SOD2: variants seen among roughly 807,000 people sequenced by gnomAD.
SOD2 encodes superoxide dismutase [Mn], mitochondrial.
Under a neutral mutation model 27.0 loss-of-function variants are expected in SOD2, and 11 were observed. The observed-to-expected ratio is 0.41, with a 90% confidence interval of 0.26 to 0.67. SOD2 has a LOEUF of 0.67. Ranked by LOEUF, SOD2 falls within the 30% of genes least tolerant of loss-of-function variation. The pLI is 0.34. For synonymous variants in SOD2, 105 were observed against 103.0 expected (o/e 1.02, Z -0.12); for missense variants, 250 against 274.5 (o/e 0.91, Z 0.63).
chr6:159,711,714 AT>A (rs1272563615), intron 1 of SOD2, among the ~76,000 whole-genome samples: 1 of 113,320 alleles, frequency 8.8e-6, no homozygotes, highest in Non-Finnish European at 1.9e-5. Context: ...CACTGCTCTG[AT>A]CACCATAACC....
intron 1 of SOD2, among the ~76,000 whole-genome samples, chr6:159,718,139 C>G (rs878996976): frequency 6.6e-6 from 1 of 151,976 alleles, no homozygotes; most frequent in African/African-American, 2.4e-5. Context: ...ACTATAGGCG[C>G]ACACCACCAT....
At chr6:159,712,849 CT>C (rs1025298581) in intron 1 of SOD2, 3 of 605,584 alleles carry the variant, frequency 5.0e-6, no homozygotes, top group Non-Finnish European at 9.6e-6. Flanking sequence ...CCACTTGCCC[CT>C]GCTGTAGATT....
intron 2 of SOD2, 131 bp downstream of exon 2, chr6:159,692,530 C>A: frequency 6.7e-7 from 1 of 1,488,936 alleles, no homozygotes; most frequent in South Asian, 1.3e-5. Flanking sequence ...GACTATCGTG[C>A]CTGGAAAACT....
intron 1 of SOD2, among the ~76,000 whole-genome samples, chr6:159,706,177 A>C (rs1029135461): frequency 6.6e-6 from 1 of 152,268 alleles, no homozygotes; most frequent in African/African-American, 2.4e-5. Flanking sequence ...CAAATTGTAA[A>C]GACCATCGAT....
chr6:159,742,052 ATCG>A, intron 1 of SOD2: 1 of 1,434,320 alleles, frequency 7.0e-7, no homozygotes, highest in South Asian at 1.2e-5. Context: ...AAACTATTTT[ATCG>A]TAACAACTAA....
rs373788545 is a variant in SOD2 at position 159,673,549 on chromosome 6, C to T, written c.*8944G>A. On this transcript the variant is annotated 3_prime_UTR_variant, in exon 5 of 5. Coordinates refer to ENST00000538183, the MANE Select transcript of SOD2 (RefSeq NM_000636.4). ...AAATAAAGATGTTCTTTGAAACCAA[C>T]GAGAACAAAGACACAACATACCAGA... The T allele has an allele frequency of 1.9e-3, 295 of 152,070 alleles. 1 individual carries two copies. The highest frequency in any genetic ancestry group is 7.0e-3 in the African/African-American group (289 of 41,492). 9.4% of individuals were successfully genotyped at this position (152,070 alleles called of 1,614,324 possible). A position where few individuals can be genotyped will look rare whatever the true frequency, so the allele number is the denominator to read the frequency against.
Position 159,674,649 on chromosome 6 carries a change from G to A in SOD2, c.*7844C>T, listed in dbSNP as rs1232689191. On this transcript the variant is annotated 3_prime_UTR_variant, in exon 5 of 5. Coordinates refer to ENST00000538183, the MANE Select transcript of SOD2 (RefSeq NM_000636.4). ...ACCCACAGCCAATATCAGACTGAATGGGCAAAAACTGGAAGCATTCCCTTT... is the reference window on the plus strand; with the variant it reads ...ACCCACAGCCAATATCAGACTGAATAGGCAAAAACTGGAAGCATTCCCTTT... 1 of 152,154 alleles carries A rather than the reference G, an allele frequency of 6.6e-6. No individual in the cohort carries two copies. The highest frequency in any genetic ancestry group is 1.5e-5 in the Non-Finnish European group (1 of 68,036). 9.4% of individuals were successfully genotyped at this position (152,154 alleles called of 1,614,324 possible).
intron 1 of SOD2, among the ~76,000 whole-genome samples, chr6:159,721,428 G>A (rs1170191870): frequency 2.0e-5 from 3 of 151,868 alleles, no homozygotes; most frequent in Admixed American, 2.0e-4. Flanking sequence ...GAGTGCAATG[G>A]TGCGATCTTG....
upstream of SOD2, among the ~76,000 whole-genome samples, chr6:159,695,468 G>T (rs370941944): frequency 4.8e-4 from 73 of 152,248 alleles, 3 homozygotes; most frequent in African/African-American, 1.7e-3. Flanking sequence ...TGGGATATGG[G>T]AGGTAAAGAA....
At chr6:159,712,539 ACC>A in intron 1 of SOD2, among the ~76,000 whole-genome samples, 1 of 108,378 alleles carries the variant, frequency 9.2e-6, no homozygotes, top group South Asian at 3.0e-4. Context: ...TGCTCTGATC[ACC>A]ATAACCACCT....
At chr6:159,709,896 A>T (rs1321902178) in intron 1 of SOD2, among the ~76,000 whole-genome samples, 1 of 152,148 alleles carries the variant, frequency 6.6e-6, no homozygotes, top group Non-Finnish European at 1.5e-5. Flanking sequence ...GACTGGATTA[A>T]GAAAATGTGG....
chr6:159,749,105 C>G (rs1173939710), upstream of SOD2: 31 of 986,462 alleles, frequency 3.1e-5, no homozygotes, highest in Non-Finnish European at 3.5e-5. Context: ...ATGGTTTGTT[C>G]TTTGAATGGT....
At chr6:159,728,438 CTA>C (rs201301668), upstream of SOD2, among the ~76,000 whole-genome samples, 1,396 of 149,552 alleles carry the variant, frequency 9.3e-3, 14 homozygotes, top group Middle Eastern at 0.021. Context: ...AACAAAAAAA[CTA>C]TTATTTAGTC....
intron 1 of SOD2, chr6:159,756,429 CAAGCATCGAT>C (rs571523751): frequency 6.6e-5 from 10 of 152,328 alleles, no homozygotes; most frequent in African/African-American, 2.4e-4. Flanking sequence ...AACTTAAGAC[CAAGCATCGAT>C]TACGATTTTG....
intron 1 of SOD2, chr6:159,755,220 G>A (rs1460222440): frequency 6.2e-7 from 1 of 1,614,060 alleles, no homozygotes; most frequent in Non-Finnish European, 8.5e-7. Context: ...GAGGCCACAA[G>A]TAAAGACTGC....
chr6:159,726,751 G>T, intron 1 of SOD2: 1 of 1,284,960 alleles, frequency 7.8e-7, no homozygotes, highest in Non-Finnish European at 1.0e-6. Flanking sequence ...TCCTCGATGC[G>T]TCTCCAGAGA....
At chr6:159,696,549 G>T (rs892232298), upstream of SOD2, among the ~76,000 whole-genome samples, 12 of 151,766 alleles carry the variant, frequency 7.9e-5, no homozygotes, top group African/African-American at 2.4e-4. Flanking sequence ...CGAACTCCTA[G>T]ACTGAAGTGA....
chr6:159,730,556 A>T (rs1460925234), upstream of SOD2, among the ~76,000 whole-genome samples: 1 of 152,268 alleles, frequency 6.6e-6, no homozygotes, highest in East Asian at 1.9e-4. Context: ...TGTTGTAGAC[A>T]GTTGTAAATT....
Position 159,756,485 on chromosome 6 carries a change from C to T in SOD2, c.-336+4552G>A, listed in dbSNP as rs146396224. The stretch of plus-strand genomic sequence containing the variant: ...TTAATTTATGCCTTATTTTGCAAAA[C>T]GGAGCTGGAGTTTAGGGCTACACTT... On this transcript the variant is annotated intron_variant, in intron 1 of 7. Coordinates refer to the SOD2 transcript ENST00000546087. Among the ~76,000 whole-genome samples, 357 of 151,480 alleles carry T rather than the reference C, an allele frequency of 2.4e-3. 1 individual carries two copies. Among genetic ancestry groups the T allele is most frequent in the Non-Finnish European group, 3.8e-3 (256 of 67,934 alleles).
Sources: allele counts gnomAD v4.1 joint callset (sites outside exome capture counted in the v4.1 genomes callset), GRCh38; gene constraint gnomAD v4.1.1; transcripts MANE v1.5; gene names NCBI Gene and HGNC (gene_info 2026-07-23, HGNC 2026-07-21).